Variants in FAM135B observed in about 807,000 individuals in gnomAD.
FAM135B encodes protein FAM135B.
In FAM135B, 43 loss-of-function variants were observed where a neutral mutation model predicts 127.7. The observed-to-expected ratio is 0.34, with a 90% CI of 0.26 to 0.43. The LOEUF (loss-of-function observed/expected upper bound fraction) is 0.43. Ranked by LOEUF, FAM135B falls within the 20% of genes least tolerant of loss-of-function variation. The pLI is 1.00. For missense variants in FAM135B, 1,558 were observed against 1,725.6 expected (o/e 0.90, Z 1.72); for synonymous variants, 670 against 665.1 (o/e 1.01, Z -0.11).
intron 9 of FAM135B, among the ~76,000 whole-genome samples, chr8:138,193,332 G>A (rs1036932616): frequency 2.0e-5 from 3 of 152,150 alleles, no homozygotes; most frequent in African/African-American, 7.2e-5. Context: ...AATATAAGTC[G>A]GTGATGCTGG....
intron 2 of FAM135B, among the ~76,000 whole-genome samples, chr8:138,333,325 A>C (rs1275050249): frequency 3.3e-5 from 5 of 152,230 alleles, no homozygotes; most frequent in African/African-American, 1.2e-4. Flanking sequence ...CTATTTTCTG[A>C]TAGCATCTTG....
chr8:138,164,099 A>T (rs149506202), intron 12 of FAM135B, among the ~76,000 whole-genome samples: 2 of 152,358 alleles, frequency 1.3e-5, no homozygotes, highest in African/African-American at 4.8e-5. Flanking sequence ...GCAAGGCGTA[A>T]GTATTAAGGT....
chr8:138,172,718 A>T (rs1820575885), intron 11 of FAM135B, among the ~76,000 whole-genome samples: 1 of 152,216 alleles, frequency 6.6e-6, no homozygotes, highest in African/African-American at 2.4e-5. Flanking sequence ...AGAGGGAGGG[A>T]GGAAGGGAAG....
intron 2 of FAM135B, among the ~76,000 whole-genome samples, chr8:138,349,538 G>A (rs759876049): frequency 1.2e-4 from 18 of 152,124 alleles, no homozygotes; most frequent in Admixed American, 7.9e-4. Context: ...AAGGAAGGCT[G>A]GTTCTTTCTT....
intron 1 of FAM135B, among the ~76,000 whole-genome samples, chr8:138,442,236 CCATATA>C (rs1465317490): frequency 1.1e-3 from 14 of 13,136 alleles, no homozygotes; most frequent in Admixed American, 5.4e-3. Flanking sequence ...AATATGGACA[CCATATA>C]TATATATATA....
intron 3 of FAM135B, among the ~76,000 whole-genome samples, chr8:138,306,795 G>A (rs1826297510): frequency 6.6e-6 from 1 of 152,076 alleles, no homozygotes; most frequent in South Asian, 2.1e-4. Context: ...TGTTGGCCAG[G>A]CTGGTCCTGA....
intron 7 of FAM135B, among the ~76,000 whole-genome samples, chr8:138,213,516 T>G (rs915824258): frequency 5.3e-5 from 8 of 151,824 alleles, no homozygotes; most frequent in Non-Finnish European, 1.2e-4. Flanking sequence ...TCTTTTTTTT[T>G]TTTTTTTAAC....
intron 2 of FAM135B, among the ~76,000 whole-genome samples, chr8:138,319,475 A>G (rs769228420): frequency 2.6e-5 from 4 of 152,294 alleles, no homozygotes; most frequent in Non-Finnish European, 4.4e-5. Context: ...TCATAAAGAA[A>G]GGAGCAGTTT....
intron 1 of FAM135B, among the ~76,000 whole-genome samples, chr8:138,450,308 T>C (rs993166660): frequency 1.3e-5 from 2 of 152,242 alleles, no homozygotes; most frequent in African/African-American, 2.4e-5. Flanking sequence ...GCTATAAACA[T>C]ACATGTGCAG....
At chr8:138,306,954 T>C (rs902840262) in intron 3 of FAM135B, among the ~76,000 whole-genome samples, 2 of 152,200 alleles carry the variant, frequency 1.3e-5, no homozygotes, top group African/African-American at 4.8e-5. Flanking sequence ...ACAGTCTTGG[T>C]CCTGAGCTGG....
intron 1 of FAM135B, among the ~76,000 whole-genome samples, chr8:138,382,811 G>A (rs756971777): frequency 4.5e-4 from 68 of 152,008 alleles, no homozygotes; most frequent in Non-Finnish European, 5.7e-4. Context: ...AGAAATACCC[G>A]ACCCCCTCCC....
chr8:138,461,525 T>C (rs1837116160), intron 1 of FAM135B, among the ~76,000 whole-genome samples: 1 of 152,222 alleles, frequency 6.6e-6, no homozygotes, highest in African/African-American at 2.4e-5. Context: ...TAACTTCTCT[T>C]GGTTTTCAAG....
At chr8:138,207,434 T>A (rs1817783673) in intron 7 of FAM135B, among the ~76,000 whole-genome samples, 1 of 151,984 alleles carries the variant, frequency 6.6e-6, no homozygotes, top group Non-Finnish European at 1.5e-5. Flanking sequence ...GGTCTTGAAC[T>A]CCCGACCTCA....
chr8:138,141,383 G>T lies in FAM135B; in HGVS notation c.3639-34C>A. The T allele has an allele frequency of 6.2e-7, 1 of 1,610,942 alleles. No individual in the cohort carries two copies. Among genetic ancestry groups the T allele is most frequent in the South Asian group, 1.1e-5 (1 of 90,772 alleles). ...AAACAGAAGGGGTACCCATGAGTGTGACGGTGAATGCTGCTGCCCAAGAGT... is the reference window on the plus strand; with the variant it reads ...AAACAGAAGGGGTACCCATGAGTGTTACGGTGAATGCTGCTGCCCAAGAGT... On this transcript the variant is annotated intron_variant, in intron 16 of 19. Transcript: ENST00000395297. The surrounding 1 kb of genome is among the most constrained non-coding windows in gnomAD (Gnocchi z 4.7).
At chr8:138,481,854 A>G (rs747990473) in intron 1 of FAM135B, among the ~76,000 whole-genome samples, 4 of 152,164 alleles carry the variant, frequency 2.6e-5, no homozygotes, top group Non-Finnish European at 5.9e-5. Context: ...ACATTTTACC[A>G]TGAGTTTGTG....
chr8:138,475,418 T>C (rs565368776), intron 1 of FAM135B, among the ~76,000 whole-genome samples: 11 of 152,156 alleles, frequency 7.2e-5, no homozygotes, highest in Non-Finnish European at 1.3e-4. Flanking sequence ...CCACAGACTA[T>C]AGAGAGCTCT....
intron 3 of FAM135B, among the ~76,000 whole-genome samples, chr8:138,300,810 G>A (rs1487222590): frequency 6.8e-6 from 1 of 148,006 alleles, no homozygotes; most frequent in Non-Finnish European, 1.5e-5. Flanking sequence ...GAGTGCAGTG[G>A]CACTTTCTCA....
At chr8:138,230,627 G>A (rs150740695) in intron 7 of FAM135B, among the ~76,000 whole-genome samples, 329 of 152,224 alleles carry the variant, frequency 2.2e-3, no homozygotes, top group Non-Finnish European at 3.4e-3. Flanking sequence ...CTGGACTCAC[G>A]TAAGCTGTGC....
At chr8:138,304,282 A>G (rs1288757999) in intron 3 of FAM135B, among the ~76,000 whole-genome samples, 1 of 152,176 alleles carries the variant, frequency 6.6e-6, no homozygotes. Context: ...ATGGGATTCA[A>G]ACTCCCAGGA....
Sources: allele counts gnomAD v4.1 joint callset (sites outside exome capture counted in the v4.1 genomes callset), GRCh38; gene constraint gnomAD v4.1.1; non-coding constraint Gnocchi (gnomAD v3.1); transcripts MANE v1.5; gene names NCBI Gene and HGNC (gene_info 2026-07-23, HGNC 2026-07-21).